Variants in MERTK observed in about 807,000 individuals in gnomAD.
MERTK encodes tyrosine-protein kinase Mer.
In MERTK, 69 loss-of-function variants were observed where a neutral mutation model predicts 99.3. The ratio of observed to expected loss-of-function variants is 0.70; its 90% confidence interval spans 0.57 to 0.85. The LOEUF (loss-of-function observed/expected upper bound fraction) is 0.85. Ranked by LOEUF, MERTK falls within the 40% of genes least tolerant of loss-of-function variation. The pLI is 0.00. For synonymous variants in MERTK, 426 were observed against 467.6 expected (o/e 0.91, Z 1.15); for missense variants, 1,125 against 1,249.4 (o/e 0.90, Z 1.50).
intron 7 of MERTK, among the ~76,000 whole-genome samples, chr2:111,978,496 A>G (rs527972645): frequency 1.8e-4 from 27 of 151,834 alleles, no homozygotes; most frequent in Admixed American, 5.2e-4. Flanking sequence ...GGGTCTCACT[A>G]TTTTGCCCAG....
At chr2:112,007,166 T>C (rs973941006) in intron 13 of MERTK, among the ~76,000 whole-genome samples, 2 of 152,240 alleles carry the variant, frequency 1.3e-5, no homozygotes, top group African/African-American at 4.8e-5. Context: ...CTTTTCTTTT[T>C]TTCTTTGAGA....
At chr2:111,940,771 C>CT (rs1254517441) in intron 2 of MERTK, 1 of 1,010,940 alleles carries the variant, frequency 9.9e-7, no homozygotes, top group Admixed American at 1.7e-5. Flanking sequence ...ATATTCAAAT[C>CT]TAACAGCTAA....
At chr2:111,988,946 T>C (rs930724202) in intron 8 of MERTK, among the ~76,000 whole-genome samples, 1 of 152,024 alleles carries the variant, frequency 6.6e-6, no homozygotes, top group African/African-American at 2.4e-5. Context: ...GAGACTCCAT[T>C]TCAAAAACCA....
intron 4 of MERTK, among the ~76,000 whole-genome samples, chr2:111,961,999 A>C (rs1244315029): frequency 6.6e-6 from 1 of 152,172 alleles, no homozygotes; most frequent in Non-Finnish European, 1.5e-5. Flanking sequence ...TATTAGTGAT[A>C]AGCTTTGAGT....
chr2:111,960,135 A>G (rs1311524071), intron 4 of MERTK, among the ~76,000 whole-genome samples: 2 of 152,156 alleles, frequency 1.3e-5, no homozygotes, highest in East Asian at 3.8e-4. Context: ...TATTTTGAGA[A>G]TGGTTGCTGT....
At chr2:112,015,369 G>A (rs1207544383) in intron 15 of MERTK, among the ~76,000 whole-genome samples, 2 of 152,098 alleles carry the variant, frequency 1.3e-5, no homozygotes, top group Non-Finnish European at 2.9e-5. Context: ...CCTTATAGCT[G>A]TCCTGATTGA....
At chr2:111,981,474 G>C (rs1292974369) in intron 7 of MERTK, among the ~76,000 whole-genome samples, 2 of 152,010 alleles carry the variant, frequency 1.3e-5, no homozygotes, top group Non-Finnish European at 2.9e-5. Context: ...AAGTGCAGTG[G>C]CATGATCTTG....
intron 2 of MERTK, among the ~76,000 whole-genome samples, chr2:111,934,948 C>G (rs915294637): frequency 4.1e-4 from 62 of 152,226 alleles, no homozygotes; most frequent in African/African-American, 1.5e-3. Context: ...TATCTAATGG[C>G]CCAGAGCTTT....
At chr2:111,931,163 C>G (rs1684662311) in intron 2 of MERTK, among the ~76,000 whole-genome samples, 1 of 152,104 alleles carries the variant, frequency 6.6e-6, no homozygotes, top group South Asian at 2.1e-4. Context: ...CCTAACTACT[C>G]AGGTTAGTGT....
chr2:111,977,804 C>T (rs981710822), intron 7 of MERTK, among the ~76,000 whole-genome samples: 5 of 152,144 alleles, frequency 3.3e-5, no homozygotes, highest in African/African-American at 9.7e-5. Context: ...CAATTTCACT[C>T]ATCTTTTTTG....
intron 18 of MERTK, among the ~76,000 whole-genome samples, chr2:112,025,813 C>T (rs1677449594): frequency 6.6e-6 from 1 of 152,142 alleles, no homozygotes; most frequent in South Asian, 2.1e-4. Flanking sequence ...ATATACATAA[C>T]ATAAAATGTA....
chr2:111,950,993 A>AT (rs927151645), intron 4 of MERTK, among the ~76,000 whole-genome samples: 7 of 151,614 alleles, frequency 4.6e-5, no homozygotes, highest in African/African-American at 7.3e-5. Flanking sequence ...CATTTGTTAA[A>AT]TTTTTTTTTA....
intron 2 of MERTK, among the ~76,000 whole-genome samples, chr2:111,939,101 A>G (rs1684814984): frequency 1.3e-5 from 2 of 152,186 alleles, no homozygotes; most frequent in Admixed American, 1.3e-4. Context: ...TTATAAAGAA[A>G]GGAAATTTAT....
chr2:111,974,769 CAAAAAAA>C (rs35594851), intron 6 of MERTK, among the ~76,000 whole-genome samples: 6 of 53,376 alleles, frequency 1.1e-4, no homozygotes, highest in South Asian at 1.1e-3. Flanking sequence ...AGGTCCATCT[CAAAAAAA>C]AAAAAAAAAA....
At chr2:111,951,188 C>A (rs1685048045) in intron 4 of MERTK, among the ~76,000 whole-genome samples, 1 of 151,888 alleles carries the variant, frequency 6.6e-6, no homozygotes, top group African/African-American at 2.4e-5. Context: ...AGGATGAGAA[C>A]ACTTAAGATC....
At chr2:111,975,522 A>C in intron 7 of MERTK, 50 bp downstream of exon 7, 1 of 1,584,666 alleles carries the variant, frequency 6.3e-7, no homozygotes, top group Non-Finnish European at 8.7e-7. Context: ...CATGTGATTC[A>C]ACAAACCCTT....
chr2:111,910,427 G>A (rs997210455), intron 1 of MERTK, among the ~76,000 whole-genome samples: 4 of 151,796 alleles, frequency 2.6e-5, no homozygotes, highest in Non-Finnish European at 5.9e-5. Flanking sequence ...CTGCCACCAC[G>A]CCTGGCTAAT....
At chr2:111,955,452 T>C (rs752422939) in intron 4 of MERTK, among the ~76,000 whole-genome samples, 1 of 152,118 alleles carries the variant, frequency 6.6e-6, no homozygotes, top group East Asian at 1.9e-4. Flanking sequence ...GGATGTTCTA[T>C]AAGGGGGTAG....
At position 111,963,508 on chromosome 2, in the gene MERTK, G is replaced by A. The variant is rs540126382; in HGVS notation, c.758-1683G>A. On this transcript the variant is annotated intron_variant, in intron 4 of 18. Coordinates refer to ENST00000295408, the MANE Select transcript of MERTK (RefSeq NM_006343.3). Reference sequence around the variant, plus strand: ...GGCTTTCCTAGGCAGAGGTCCCTGCGGCCTTCCGCAGTGTTTGTGTCCCTG... The same window carrying A: ...GGCTTTCCTAGGCAGAGGTCCCTGCAGCCTTCCGCAGTGTTTGTGTCCCTG... Among the ~76,000 whole-genome samples the A allele has an allele frequency of 5.9e-3, 893 of 152,314 alleles. 8 individuals are homozygous for A. The highest frequency in any genetic ancestry group is 0.01 in the Non-Finnish European group (684 of 68,022).
Sources: gnomAD v4.1 joint callset for allele counts (sites outside exome capture counted in the v4.1 genomes callset) on GRCh38, gnomAD v4.1.1 for gene constraint, MANE v1.5 for transcripts, NCBI Gene and HGNC (gene_info 2026-07-23, HGNC 2026-07-21) for gene names.